The following CAMK1D variants were observed in gnomAD, a reference collection of about 807,000 sequenced individuals.
The protein encoded by CAMK1D is calcium/calmodulin-dependent protein kinase type 1D.
Under a neutral mutation model 47.7 loss-of-function variants are expected in CAMK1D, and 9 were observed. The observed-to-expected ratio is 0.19, with a 90% confidence interval of 0.11 to 0.33. The LOEUF (loss-of-function observed/expected upper bound fraction) is 0.33. Ranked by LOEUF, CAMK1D falls within the 10% of genes least tolerant of loss-of-function variation. CAMK1D has a pLI of 1.00. For missense variants in CAMK1D, 291 were observed against 488.7 expected (o/e 0.60, Z 3.81); for synonymous variants, 184 against 184.9 (o/e 0.99, Z 0.04).
chr10:12,631,195 A>G (rs1170534142), intron 2 of CAMK1D, among the ~76,000 whole-genome samples: 3 of 152,208 alleles, frequency 2.0e-5, no homozygotes, highest in Non-Finnish European at 4.4e-5. Context: ...TTAGGAAAAA[A>G]AGGTTTCAGA....
intron 6 of CAMK1D, among the ~76,000 whole-genome samples, chr10:12,799,740 G>A (rs761363390): frequency 4.0e-4 from 61 of 152,166 alleles, no homozygotes; most frequent in African/African-American, 1.4e-3. Context: ...TGGCCCTTTA[G>A]GAGGAGGCTT....
At chr10:12,818,822 C>T (rs909921676) in intron 8 of CAMK1D, among the ~76,000 whole-genome samples, 1 of 152,142 alleles carries the variant, frequency 6.6e-6, no homozygotes, top group Admixed American at 6.5e-5. Flanking sequence ...AAAGGAAAGG[C>T]TTGGGGGAGA....
intron 3 of CAMK1D, among the ~76,000 whole-genome samples, chr10:12,727,642 C>T (rs554776595): frequency 1.1e-4 from 17 of 152,146 alleles, no homozygotes; most frequent in South Asian, 8.3e-4. Context: ...CCAGCATCAA[C>T]GCAGTGAGGT....
Position 12,387,661 on chromosome 10 carries a change from A to G in CAMK1D, c.92+37751A>G, listed in dbSNP as rs973125040. ...AGCTGGAACCCTGGCTAATTTTTGT[A>G]TTTTGTTTGGTAGAGATGGGTTCTC... On this transcript the variant is annotated intron_variant, in intron 1 of 10. Transcript: ENST00000619168. Among the ~76,000 whole-genome samples, 5 of 149,506 alleles carry G rather than the reference A, an allele frequency of 3.3e-5. No homozygotes were observed. In the Admixed American group the frequency reaches 3.4e-4, roughly 10 times the overall value.
rs1833408569 is a variant in CAMK1D at position 12,830,950 on chromosome 10, C to CAT, written c.*2064_*2065insTA. 6.7e-6 allele frequency: 1 copy of CAT among 150,140 alleles called. No individual in the cohort carries two copies. The highest frequency in any genetic ancestry group is 2.7e-5 in the African/African-American group (1 of 37,426). 9.3% of individuals were successfully genotyped at this position (150,140 alleles called of 1,614,324 possible). ...AAACACACACACACACACACACACA[C>CAT]ACACACACACACACAATGTTATTAG... On this transcript the variant is annotated 3_prime_UTR_variant, in exon 11 of 11. Coordinates refer to ENST00000619168, the MANE Select transcript of CAMK1D (RefSeq NM_153498.4).
chr10:12,739,754 T>C (rs1835348000), intron 3 of CAMK1D, among the ~76,000 whole-genome samples: 1 of 152,196 alleles, frequency 6.6e-6, no homozygotes, highest in Admixed American at 6.5e-5. Context: ...GTACTACTTG[T>C]AATCAGAAAT....
chr10:12,743,401 A>G (rs902966470), intron 3 of CAMK1D, among the ~76,000 whole-genome samples: 3 of 152,010 alleles, frequency 2.0e-5, no homozygotes, highest in Non-Finnish European at 4.4e-5. Context: ...GACAAGGGAA[A>G]ACTAGGCTAT....
intron 3 of CAMK1D, among the ~76,000 whole-genome samples, chr10:12,747,317 CT>C (rs564292068): frequency 2.0e-5 from 3 of 151,582 alleles, no homozygotes; most frequent in South Asian, 4.3e-4. Context: ...GGCGTTTGTT[CT>C]TTTAAGAGAC....
At chr10:12,525,678 A>T (rs756998642) in intron 1 of CAMK1D, among the ~76,000 whole-genome samples, 1 of 152,074 alleles carries the variant, frequency 6.6e-6, no homozygotes, top group African/African-American at 2.4e-5. Flanking sequence ...CCAACATCTG[A>T]ATTGTCTGGG....
intron 1 of CAMK1D, among the ~76,000 whole-genome samples, chr10:12,448,006 T>TAC (rs1400274452): frequency 6.6e-6 from 1 of 151,974 alleles, no homozygotes; most frequent in East Asian, 1.9e-4. Flanking sequence ...TGTGTGCCAC[T>TAC]ACACCTGGCT....
At chr10:12,696,744 AT>A (rs1167562056) in intron 3 of CAMK1D, among the ~76,000 whole-genome samples, 1 of 152,228 alleles carries the variant, frequency 6.6e-6, no homozygotes, top group Non-Finnish European at 1.5e-5. Flanking sequence ...AAGCCTCAGA[AT>A]TTTCTACTCA....
chr10:12,383,449 T>C (rs1838401127), intron 1 of CAMK1D, among the ~76,000 whole-genome samples: 2 of 152,194 alleles, frequency 1.3e-5, no homozygotes, highest in South Asian at 4.1e-4. Flanking sequence ...AATGTCAAAT[T>C]GACATGAATG....
chr10:12,621,466 A>T (rs1441671036), intron 2 of CAMK1D, among the ~76,000 whole-genome samples: 1 of 152,208 alleles, frequency 6.6e-6, no homozygotes. Context: ...GGTTTTCATT[A>T]TGCAAGTCCT....
chr10:12,509,825 A>C (rs1162522489), intron 1 of CAMK1D, among the ~76,000 whole-genome samples: 1 of 152,196 alleles, frequency 6.6e-6, no homozygotes, highest in African/African-American at 2.4e-5. Context: ...TACATAATAC[A>C]TGGTAGCAAT....
intron 10 of CAMK1D, 90 bp from the exon 11 acceptor site, chr10:12,828,679 T>C: frequency 5.2e-6 from 4 of 770,644 alleles, no homozygotes; most frequent in African/African-American, 1.7e-5. Flanking sequence ...CCCCCCACCA[T>C]AAACCCAGCC....
intron 1 of CAMK1D, among the ~76,000 whole-genome samples, chr10:12,419,983 A>G (rs1029196728): frequency 6.6e-6 from 1 of 151,426 alleles, no homozygotes; most frequent in African/African-American, 2.4e-5. Flanking sequence ...CTCTTGAGAC[A>G]GAGTCTTGCT....
At chr10:12,374,942 CA>C (rs71384315) in intron 1 of CAMK1D, among the ~76,000 whole-genome samples, 2,903 of 94,476 alleles carry the variant, frequency 0.031, 65 homozygotes, top group Admixed American at 0.071. Flanking sequence ...GACTCCGTCT[CA>C]AAAAAAAAAA....
chr10:12,449,985 G>A (rs559148320), intron 1 of CAMK1D, among the ~76,000 whole-genome samples: 31 of 152,122 alleles, frequency 2.0e-4, no homozygotes, highest in Middle Eastern at 3.4e-3. Context: ...GCGACAGAGC[G>A]AGACTCCATC....
At chr10:12,761,817 C>T (rs1305661543) in intron 4 of CAMK1D, among the ~76,000 whole-genome samples, 2 of 152,056 alleles carry the variant, frequency 1.3e-5, no homozygotes, top group Non-Finnish European at 1.5e-5. Context: ...ACCCAGGAGG[C>T]GAAGGTTGCA....
Sources: allele counts gnomAD v4.1 joint callset (sites outside exome capture counted in the v4.1 genomes callset), GRCh38; gene constraint gnomAD v4.1.1; transcripts MANE v1.5; gene names NCBI Gene and HGNC (gene_info 2026-07-23, HGNC 2026-07-21).